The following CTNNA3 variants were observed in gnomAD, a reference collection of about 807,000 sequenced individuals.
CTNNA3 encodes the protein catenin alpha-3.
A neutral mutation model predicts 95.7 loss-of-function variants in CTNNA3; 76 were observed. The ratio of observed to expected loss-of-function variants is 0.79; its 90% confidence interval spans 0.66 to 0.96. CTNNA3 has a LOEUF of 0.96. CTNNA3 is among the 40% of genes least tolerant of loss of function. CTNNA3 has a pLI of 0.00. For synonymous variants in CTNNA3, 431 were observed against 374.4 expected (o/e 1.15, Z -1.74); for missense variants, 1,191 against 1,089.8 (o/e 1.09, Z -1.31).
At chr10:66,787,244 A>G (rs1333616125) in intron 7 of CTNNA3, among the ~76,000 whole-genome samples, 1 of 151,612 alleles carries the variant, frequency 6.6e-6, no homozygotes, top group African/African-American at 2.4e-5. Flanking sequence ...AGATGTGTTG[A>G]TGTCTCGATC....
intron 5 of CTNNA3, among the ~76,000 whole-genome samples, chr10:67,233,370 C>T (rs1319065396): frequency 6.6e-6 from 1 of 151,200 alleles, no homozygotes; most frequent in Admixed American, 6.6e-5. Flanking sequence ...CTCAAAACCA[C>T]TCAACTACAT....
intron 7 of CTNNA3, among the ~76,000 whole-genome samples, chr10:67,136,422 T>C (rs1381765447): frequency 6.6e-6 from 1 of 152,130 alleles, no homozygotes; most frequent in African/African-American, 2.4e-5. Flanking sequence ...GTAATTAGAA[T>C]TTTTAGAAAG....
chr10:66,526,334 C>A lies in CTNNA3; in HGVS notation c.1375-5561G>T, dbSNP rs1212351732. Among the ~76,000 whole-genome samples the A allele has an allele frequency of 2.0e-5, 3 of 152,086 alleles. No individual in the cohort carries two copies. In the South Asian group the frequency reaches 6.2e-4, roughly 32 times the overall value. ...CCAAGTAGCTGGGACCACAAATGCGCACCACCACACCCAGATAATTTTTTG... is the reference window on the plus strand; with the variant it reads ...CCAAGTAGCTGGGACCACAAATGCGAACCACCACACCCAGATAATTTTTTG... On this transcript the variant is annotated intron_variant, in intron 10 of 17. Transcript: ENST00000433211.
chr10:67,230,867 G>T (rs570553674), intron 5 of CTNNA3, among the ~76,000 whole-genome samples: 31 of 152,220 alleles, frequency 2.0e-4, no homozygotes, highest in Admixed American at 2.0e-3. Context: ...CTCGGGAAGC[G>T]CAGGGGGTCA....
chr10:66,346,442 C>G (rs2092520637), intron 12 of CTNNA3, among the ~76,000 whole-genome samples: 1 of 151,664 alleles, frequency 6.6e-6, no homozygotes, highest in Non-Finnish European at 1.5e-5. Context: ...CCATGCTCGG[C>G]TAAGTTTTGT....
intron 15 of CTNNA3, among the ~76,000 whole-genome samples, chr10:66,068,330 A>G (rs2080357994): frequency 6.6e-6 from 1 of 152,040 alleles, no homozygotes; most frequent in Non-Finnish European, 1.5e-5. Context: ...CCAGTTATCC[A>G]TTTACATTTC....
Position 65,945,417 on chromosome 10 carries a change from G to A in CTNNA3, c.2400+21195C>T, listed in dbSNP as rs576357770. Among the ~76,000 whole-genome samples the A allele has an allele frequency of 1.6e-4, 25 of 152,242 alleles. No individual in the cohort carries two copies. In the South Asian group the frequency reaches 2.3e-3, roughly 14 times the overall value. The stretch of plus-strand genomic sequence containing the variant: ...TGGACAAACTTGATTGATACTTCAC[G>A]AATTATAGGAGCAATGGTTCTGAAC... On this transcript the variant is annotated intron_variant, in intron 17 of 17. Coordinates refer to ENST00000433211, the MANE Select transcript of CTNNA3 (RefSeq NM_013266.4).
intron 7 of CTNNA3, among the ~76,000 whole-genome samples, chr10:66,940,004 T>C (rs1236854609): frequency 6.6e-6 from 1 of 152,184 alleles, no homozygotes; most frequent in Non-Finnish European, 1.5e-5. Flanking sequence ...ACTTAATTTT[T>C]TTTTTAATTC....
chr10:65,977,633 T>G (rs562665524), intron 16 of CTNNA3, among the ~76,000 whole-genome samples: 1 of 152,036 alleles, frequency 6.6e-6, no homozygotes, highest in Middle Eastern at 3.4e-3. Context: ...ATATGAAATA[T>G]TAGCCGGGCA....
chr10:66,376,242 G>A (rs2252529), intron 12 of CTNNA3, among the ~76,000 whole-genome samples: 11 of 151,988 alleles, frequency 7.2e-5, no homozygotes, highest in Non-Finnish European at 1.3e-4. Context: ...AGTCCAGAAG[G>A]TTTATTATTT....
chr10:67,599,905 C>T (rs2133365739), intron 3 of CTNNA3, among the ~76,000 whole-genome samples: 1 of 152,112 alleles, frequency 6.6e-6, no homozygotes, highest in South Asian at 2.1e-4. Flanking sequence ...AGGTTCAAGG[C>T]ACCTAGAATA....
intron 9 of CTNNA3, among the ~76,000 whole-genome samples, chr10:66,763,234 T>C (rs117686473): frequency 6.6e-6 from 1 of 151,962 alleles, no homozygotes; most frequent in Non-Finnish European, 1.5e-5. Flanking sequence ...TCTGTTGCTT[T>C]GGTTAGGAAG....
In CTNNA3 at chr10:67,439,997, C is replaced by T. The variant is rs180858717; in HGVS notation, c.579+81845G>A. 2.8e-3 allele frequency among the ~76,000 whole-genome samples: 429 copies of T among 152,258 alleles called. 1 individual carries two copies. Among genetic ancestry groups the T allele is most frequent in the Non-Finnish European group, 5.4e-3 (364 of 68,014 alleles). The stretch of plus-strand genomic sequence containing the variant: ...CTTTTTCTTGCACATTAGGTACCAA[C>T]TCAGCCACAGTGAGGTAGAGTATCA... On this transcript the variant is annotated intron_variant, in intron 5 of 17. Transcript: ENST00000433211.
intron 5 of CTNNA3, among the ~76,000 whole-genome samples, chr10:67,469,846 C>T (rs1298751641): frequency 6.6e-6 from 1 of 151,906 alleles, no homozygotes; most frequent in Non-Finnish European, 1.5e-5. Flanking sequence ...TTATGGGGTA[C>T]ATAAGATGTT....
At chr10:67,726,651 A>AT (rs1564841393) in intron 1 of CTNNA3, among the ~76,000 whole-genome samples, 2 of 71,606 alleles carry the variant, frequency 2.8e-5, no homozygotes, top group Admixed American at 2.5e-4. Context: ...TATATACTAT[A>AT]ATATATTATA....
intron 5 of CTNNA3, among the ~76,000 whole-genome samples, chr10:67,452,061 T>A (rs1160972405): frequency 1.6e-3 from 188 of 121,080 alleles, no homozygotes; most frequent in African/African-American, 5.2e-3. Flanking sequence ...GAGGGAGGAA[T>A]GGAAGGAAGG....
At chr10:66,671,562 CT>C (rs1328046270) in intron 9 of CTNNA3, among the ~76,000 whole-genome samples, 3 of 152,064 alleles carry the variant, frequency 2.0e-5, no homozygotes, top group African/African-American at 7.2e-5. Context: ...TTTGAATTTT[CT>C]GTTACTTTTC....
At chr10:66,684,704 A>G (rs1847186381) in intron 9 of CTNNA3, among the ~76,000 whole-genome samples, 3 of 152,106 alleles carry the variant, frequency 2.0e-5, no homozygotes, top group Admixed American at 6.5e-5. Flanking sequence ...TAGATTTAGG[A>G]GGTCTTTCTC....
chr10:66,008,457 C>A (rs1458386039), intron 15 of CTNNA3, among the ~76,000 whole-genome samples: 1 of 152,212 alleles, frequency 6.6e-6, no homozygotes, highest in Non-Finnish European at 1.5e-5. Context: ...GAGCTGGCAT[C>A]CGAAAGGCGT....
Sources: allele counts gnomAD v4.1 joint callset (sites outside exome capture counted in the v4.1 genomes callset), GRCh38; gene constraint gnomAD v4.1.1; transcripts MANE v1.5; gene names NCBI Gene and HGNC (gene_info 2026-07-23, HGNC 2026-07-21).